ENPP3: variants seen among roughly 807,000 people sequenced by gnomAD.
ENPP3 encodes ectonucleotide pyrophosphatase/phosphodiesterase 3, also known as ectonucleotide pyrophosphatase/phosphodiesterase family member 3.
In ENPP3, 104 loss-of-function variants were observed where a neutral mutation model predicts 117.8. The ratio of observed to expected loss-of-function variants is 0.88; its 90% CI spans 0.75 to 1.04. The LOEUF is 1.04. ENPP3 is among the 50% of genes least tolerant of loss of function. The pLI is 0.00. For synonymous variants in ENPP3, 380 were observed against 349.9 expected (o/e 1.09, Z -0.96); for missense variants, 1,026 against 1,051.9 (o/e 0.98, Z 0.34).
intron 24 of ENPP3, among the ~76,000 whole-genome samples, chr6:131,743,846 A>C (rs1780579074): frequency 6.6e-6 from 1 of 152,040 alleles, no homozygotes; most frequent in Non-Finnish European, 1.5e-5. Context: ...AAATAAAATA[A>C]AATAAAATAA....
Position 131,683,088 on chromosome 6 carries a change from T to A in ENPP3, c.1046T>A (p.Phe349Tyr), listed in dbSNP as rs1351415927. The A allele has an allele frequency of 1.9e-6, 3 of 1,611,948 alleles. No homozygotes were observed. In the African/African-American group the frequency reaches 4.0e-5, roughly 22 times the overall value. ...GCCTTACAGGTAGTAGATCATGCTT[T>A]TGGGATGTTGATGGAAGGCCTGAAG... ...IKALQVVDHA[F>Y]GMLMEGLKQR... Residue 349 changes from phenylalanine to tyrosine, a missense_variant, in exon 12 of 25, where the codon TTT becomes TAT. Physicochemically the swap from Phe to Tyr is conservative, Grantham distance 22. Coordinates refer to ENST00000357639, the MANE Select transcript of ENPP3 (RefSeq NM_005021.5).
At chr6:131,652,963 A>C in intron 5 of ENPP3, 72 bp downstream of exon 5, 1 of 1,010,364 alleles carries the variant, frequency 9.9e-7, no homozygotes, top group Non-Finnish European at 1.5e-6. Flanking sequence ...GTTAGTTGAG[A>C]CGCAGAGAGG....
chr6:131,719,562 G>T (rs1044833756), intron 16 of ENPP3, among the ~76,000 whole-genome samples: 2 of 151,758 alleles, frequency 1.3e-5, no homozygotes, highest in African/African-American at 4.8e-5. Flanking sequence ...TATTAATTGG[G>T]GTACTATGTA....
At chr6:131,738,531 G>A (rs970728548) in intron 23 of ENPP3, among the ~76,000 whole-genome samples, 1 of 150,774 alleles carries the variant, frequency 6.6e-6, no homozygotes, top group Non-Finnish European at 1.5e-5. Flanking sequence ...AAAGGCTAAG[G>A]TAAATTTTAC....
chr6:131,666,249 A>G (rs1778614392), intron 6 of ENPP3, among the ~76,000 whole-genome samples: 2 of 151,412 alleles, frequency 1.3e-5, no homozygotes, highest in African/African-American at 2.4e-5. Context: ...CTTCTCTTGT[A>G]TATTGTGAGT....
rs781328093 is a variant in ENPP3 at position 131,738,169 on chromosome 6, T to A, written c.2300+6T>A. ...GCTCCAGATGAAATTACCAAGTAAG[T>A]GATTTGACTTTTTGATTTATCAATA... On this transcript the variant is annotated splice_donor_region_variant and intron_variant, in intron 23 of 24. Transcript: ENST00000357639. 6.2e-7 allele frequency: 1 copy of A among 1,609,194 alleles called. No individual in the cohort carries two copies. The highest frequency in any genetic ancestry group is 2.2e-5 in the East Asian group (1 of 44,670).
At chr6:131,724,690 A>G (rs1302218334) in intron 19 of ENPP3, among the ~76,000 whole-genome samples, 1 of 152,172 alleles carries the variant, frequency 6.6e-6, no homozygotes, top group African/African-American at 2.4e-5. Context: ...CCTGGTTTAC[A>G]GTTAAGAGCT....
At chr6:131,681,311 CTG>C in intron 11 of ENPP3, among the ~76,000 whole-genome samples, 1 of 152,276 alleles carries the variant, frequency 6.6e-6, no homozygotes, top group South Asian at 2.1e-4. Flanking sequence ...TTACAACTGA[CTG>C]TTCTGGTAGC....
intron 10 of ENPP3, among the ~76,000 whole-genome samples, chr6:131,677,160 C>T (rs560979414): frequency 1.3e-5 from 2 of 152,212 alleles, no homozygotes; most frequent in East Asian, 3.9e-4. Flanking sequence ...CACTTGAGCC[C>T]AGAAGTTTGA....
At chr6:131,695,617 G>A (rs1417413159) in intron 15 of ENPP3, among the ~76,000 whole-genome samples, 2 of 152,098 alleles carry the variant, frequency 1.3e-5, no homozygotes, top group Admixed American at 6.6e-5. Flanking sequence ...AAGAGAGCAA[G>A]TGAAGAATCT....
At chr6:131,674,964 T>A (rs1243960020) in intron 8 of ENPP3, 116 bp from the exon 9 acceptor site, 7 of 632,468 alleles carry the variant, frequency 1.1e-5, no homozygotes, top group Admixed American at 5.5e-5. Context: ...CTACAAAGAT[T>A]AAAATTTCAA....
rs528426256 is a variant in ENPP3, at chr6:131,698,208, T to C, written c.1412+4584T>C. Reference sequence around the variant, plus strand: ...TTCAAGGGGCTTATTAGAACCTACCTGAAGGGAACGTTTTTCTAGGACACA... The same window carrying C: ...TTCAAGGGGCTTATTAGAACCTACCCGAAGGGAACGTTTTTCTAGGACACA... On this transcript the variant is annotated intron_variant, in intron 15 of 24. Coordinates refer to ENST00000357639, the MANE Select transcript of ENPP3 (RefSeq NM_005021.5). Among the ~76,000 whole-genome samples, 17 of 151,962 alleles carry C rather than the reference T, an allele frequency of 1.1e-4. No homozygotes were observed. In the East Asian group the frequency reaches 2.9e-3, roughly 26 times the overall value.
At chr6:131,673,586 G>C (rs557694921) in intron 7 of ENPP3, among the ~76,000 whole-genome samples, 62 of 152,058 alleles carry the variant, frequency 4.1e-4, no homozygotes, top group African/African-American at 1.5e-3. Flanking sequence ...CTTAATACCT[G>C]GGTGATGAAA....
chr6:131,676,861 G>GTT lies in ENPP3; in HGVS notation c.938+72_938+73dup, dbSNP rs370208303. ...GGCATATATATGGGTAAAAAATGAA[G>GTT]TTTTTTTTTTTTTACTTTAAATTAC... On this transcript the variant is annotated intron_variant, in intron 10 of 24. Transcript: ENST00000357639. 9.6e-3 allele frequency: 8,217 copies of GTT among 851,580 alleles called. 129 individuals carry two copies. Among genetic ancestry groups the GTT allele is most frequent in the African/African-American group, 0.075 (4,209 of 55,930 alleles). 52.8% of individuals were successfully genotyped at this position (851,580 alleles called of 1,614,324 possible).
At chr6:131,661,484 G>T (rs182357672) in intron 6 of ENPP3, among the ~76,000 whole-genome samples, 10 of 151,658 alleles carry the variant, frequency 6.6e-5, no homozygotes, top group Non-Finnish European at 1.3e-4. Context: ...TAGAGATGAG[G>T]TCTTGCTATG....
chr6:131,729,025 T>C (rs1292920558), intron 20 of ENPP3, among the ~76,000 whole-genome samples: 1 of 152,132 alleles, frequency 6.6e-6, no homozygotes, highest in Non-Finnish European at 1.5e-5. Flanking sequence ...AGAAATCTAG[T>C]GTACTTTGAA....
intron 6 of ENPP3, among the ~76,000 whole-genome samples, chr6:131,666,668 C>G (rs1310101477): frequency 6.6e-6 from 1 of 152,162 alleles, no homozygotes; most frequent in African/African-American, 2.4e-5. Flanking sequence ...ATCTTTATGA[C>G]AGTTGTTTTG....
chr6:131,677,398 A>T (rs1470218471), intron 10 of ENPP3, among the ~76,000 whole-genome samples: 1 of 152,166 alleles, frequency 6.6e-6, no homozygotes, highest in African/African-American at 2.4e-5. Context: ...AGCAGGCCTG[A>T]CACTCAGTTA....
At chr6:131,717,928 G>T (rs1197640140) in intron 15 of ENPP3, among the ~76,000 whole-genome samples, 1 of 152,142 alleles carries the variant, frequency 6.6e-6, no homozygotes, top group East Asian at 1.9e-4. Context: ...GCTGCCTGTG[G>T]TATTCAGTAC....
Sources: allele counts gnomAD v4.1 joint callset (sites outside exome capture counted in the v4.1 genomes callset), GRCh38; gene constraint gnomAD v4.1.1; transcripts MANE v1.5; gene names NCBI Gene and HGNC (gene_info 2026-07-23, HGNC 2026-07-21).